COL25A1: variants seen among roughly 807,000 people sequenced by gnomAD.
COL25A1 encodes collagen alpha-1(XXV) chain.
Under a neutral mutation model 128.4 loss-of-function variants are expected in COL25A1, and 103 were observed. The ratio of observed to expected loss-of-function variants is 0.80; its 90% CI spans 0.68 to 0.94. COL25A1 has a LOEUF of 0.94. Ranked by LOEUF, COL25A1 falls within the 40% of genes least tolerant of loss-of-function variation. COL25A1 has a pLI of 0.00. For synonymous variants in COL25A1, 279 were observed against 277.2 expected (o/e 1.01, Z -0.06); for missense variants, 745 against 840.0 (o/e 0.89, Z 1.40).
At chr4:108,823,973 G>C in intron 35 of COL25A1, 2 of 1,498,110 alleles carry the variant, frequency 1.3e-6, no homozygotes, top group Non-Finnish European at 1.8e-6. Flanking sequence ...TTTCTTCTAT[G>C]CCAGGCAGTG....
intron 3 of COL25A1, among the ~76,000 whole-genome samples, chr4:109,088,512 C>T (rs1350543889): frequency 6.6e-6 from 1 of 152,144 alleles, no homozygotes; most frequent in African/African-American, 2.4e-5. Context: ...TCTGCCTCCA[C>T]CATGAATCTA....
chr4:109,014,020 C>T (rs1756966371), intron 5 of COL25A1, among the ~76,000 whole-genome samples: 1 of 152,110 alleles, frequency 6.6e-6, no homozygotes, highest in South Asian at 2.1e-4. Context: ...GAAATGTGAA[C>T]ATGTGGCTGG....
intron 8 of COL25A1, among the ~76,000 whole-genome samples, chr4:108,958,689 C>T (rs1182297461): frequency 1.3e-5 from 2 of 151,964 alleles, no homozygotes; most frequent in Non-Finnish European, 2.9e-5. Flanking sequence ...TTACATGTTA[C>T]TTAACGATGG....
At chr4:109,046,461 T>C (rs1018204660) in intron 5 of COL25A1, among the ~76,000 whole-genome samples, 1 of 152,174 alleles carries the variant, frequency 6.6e-6, no homozygotes, top group African/African-American at 2.4e-5. Flanking sequence ...CCATAGCTAA[T>C]GTGGATTCCA....
intron 3 of COL25A1, among the ~76,000 whole-genome samples, chr4:109,183,971 C>T (rs530575927): frequency 6.6e-6 from 1 of 151,016 alleles, no homozygotes; most frequent in Non-Finnish European, 1.5e-5. Flanking sequence ...TTTCAAAGGT[C>T]CTTTCACAAC....
intron 5 of COL25A1, among the ~76,000 whole-genome samples, chr4:109,016,232 C>T (rs1343040207): frequency 6.6e-6 from 1 of 152,240 alleles, no homozygotes; most frequent in Non-Finnish European, 1.5e-5. Flanking sequence ...CACAACCAAG[C>T]TGGGTGTGTG....
intron 19 of COL25A1, among the ~76,000 whole-genome samples, chr4:108,879,061 G>A (rs1739791131): frequency 6.6e-6 from 1 of 152,158 alleles, no homozygotes; most frequent in African/African-American, 2.4e-5. Context: ...ATCTCTGGTG[G>A]ATTTAGAAGA....
rs778525929 is a variant in COL25A1, at chr4:108,819,317, C to A, written c.1858G>T (p.Val620Phe). 1 of 1,612,632 alleles carries A rather than the reference C, an allele frequency of 6.2e-7. No individual in the cohort carries two copies. Among genetic ancestry groups the A allele is most frequent in the Non-Finnish European group, 8.5e-7 (1 of 1,179,454 alleles). Reference protein sequence around the residue: ...GEKGEKGFRGVKGEKGEPGQP... With the variant: ...GEKGEKGFRGFKGEKGEPGQP... ...CCTGGCTCCCCTTTTTCCCCCTTAA[C>A]GCCACGGAATCCCTGTTTGTAAAGA... is the stretch of plus-strand genomic sequence containing the variant. The change falls in exon 36 of 38, where the codon GTT becomes TTT. Residue 620 changes from valine to phenylalanine, a missense_variant. Transcript: ENST00000399132.
At chr4:108,973,795 G>A (rs1752153708) in intron 8 of COL25A1, among the ~76,000 whole-genome samples, 1 of 152,106 alleles carries the variant, frequency 6.6e-6, no homozygotes, top group South Asian at 2.1e-4. Context: ...GGTTAAAAGG[G>A]CCACATCTGA....
intron 3 of COL25A1, among the ~76,000 whole-genome samples, chr4:109,142,389 T>A (rs917139114): frequency 5.3e-5 from 8 of 152,190 alleles, no homozygotes; most frequent in African/African-American, 1.9e-4. Context: ...AGAATGTATA[T>A]TCTGTTGATT....
intron 3 of COL25A1, among the ~76,000 whole-genome samples, chr4:109,102,667 C>A (rs1322452164): frequency 2.0e-5 from 3 of 152,128 alleles, no homozygotes; most frequent in Non-Finnish European, 4.4e-5. Context: ...GCTTCATATA[C>A]TTACAAGCTC....
intron 3 of COL25A1, among the ~76,000 whole-genome samples, chr4:109,158,966 A>G (rs1772294392): frequency 6.6e-6 from 1 of 152,024 alleles, no homozygotes; most frequent in Non-Finnish European, 1.5e-5. Context: ...TGACATTCTC[A>G]TGAGTATATT....
intron 6 of COL25A1, among the ~76,000 whole-genome samples, chr4:109,004,614 C>T (rs542116581): frequency 5.9e-5 from 9 of 152,192 alleles, no homozygotes; most frequent in Middle Eastern, 3.4e-3. Flanking sequence ...CCTCTTGGTG[C>T]TGTCCTCAAG....
intron 6 of COL25A1, among the ~76,000 whole-genome samples, chr4:108,983,644 C>T (rs926881121): frequency 1.2e-4 from 18 of 151,892 alleles, no homozygotes; most frequent in African/African-American, 4.1e-4. Context: ...GGAGTTTGTT[C>T]GGATGTGTTT....
intron 5 of COL25A1, among the ~76,000 whole-genome samples, chr4:109,033,148 G>A (rs1347957892): frequency 6.6e-6 from 1 of 152,204 alleles, no homozygotes; most frequent in Non-Finnish European, 1.5e-5. Flanking sequence ...TCATTGAAAG[G>A]AAAGTTCAGG....
intron 3 of COL25A1, among the ~76,000 whole-genome samples, chr4:109,139,031 T>A (rs976552526): frequency 1.3e-5 from 2 of 152,186 alleles, no homozygotes; most frequent in African/African-American, 4.8e-5. Context: ...TGAGATGGTA[T>A]CTCATTGTGG....
rs188472084 is a variant in COL25A1, at chr4:109,184,949, G to C, written c.367+115634C>G. On this transcript the variant is annotated intron_variant, in intron 3 of 37. Coordinates refer to ENST00000399132, the MANE Select transcript of COL25A1 (RefSeq NM_198721.4). ...CTGGGGAATCCCATCTCTTGATCCTGATTCTGGCCTCCAGGGCCCCCAGAA... is the reference window on the plus strand; with the variant it reads ...CTGGGGAATCCCATCTCTTGATCCTCATTCTGGCCTCCAGGGCCCCCAGAA... Among the ~76,000 whole-genome samples the C allele has an allele frequency of 8.5e-5, 13 of 152,276 alleles. No homozygotes were observed. In the East Asian group the frequency reaches 2.3e-3, roughly 27 times the overall value.
intron 3 of COL25A1, among the ~76,000 whole-genome samples, chr4:109,114,850 T>A (rs1343816505): frequency 6.6e-6 from 1 of 152,086 alleles, no homozygotes; most frequent in Admixed American, 6.6e-5. Context: ...ACCACCCAAC[T>A]TTTGGTCTTC....
intron 13 of COL25A1, among the ~76,000 whole-genome samples, chr4:108,907,166 A>G (rs141280196): frequency 1.5e-3 from 236 of 152,290 alleles, no homozygotes; most frequent in Middle Eastern, 6.8e-3. Context: ...GGTGGAGTGA[A>G]GCGAGGCGAG....
Sources: allele counts gnomAD v4.1 joint callset (sites outside exome capture counted in the v4.1 genomes callset), GRCh38; gene constraint gnomAD v4.1.1; transcripts MANE v1.5; gene names NCBI Gene and HGNC (gene_info 2026-07-23, HGNC 2026-07-21).